POU6F2: variants seen among roughly 807,000 people sequenced by gnomAD.
The protein encoded by POU6F2 is POU class 6 homeobox 2.
In POU6F2, 31 loss-of-function variants were observed where a neutral mutation model predicts 71.3. That is an observed-to-expected ratio of 0.43 (90% CI 0.33 to 0.59). The LOEUF (loss-of-function observed/expected upper bound fraction) is 0.59. Ranked by LOEUF, POU6F2 falls within the 20% of genes least tolerant of loss-of-function variation. The pLI is 0.04. For synonymous variants in POU6F2, 347 were observed against 355.7 expected (o/e 0.98, Z 0.27); for missense variants, 783 against 856.8 (o/e 0.91, Z 1.07).
intron 2 of POU6F2, among the ~76,000 whole-genome samples, chr7:39,137,099 A>T (rs1792403858): frequency 6.6e-6 from 1 of 152,076 alleles, no homozygotes; most frequent in Non-Finnish European, 1.5e-5. Flanking sequence ...TTAAATATTA[A>T]CTATAATTTA....
At chr7:39,007,000 T>G in intron 1 of POU6F2, 1 of 818,156 alleles carries the variant, frequency 1.2e-6, no homozygotes, top group South Asian at 1.6e-5. Context: ...GATTCCCTTA[T>G]GCTCTGATGT....
At chr7:39,417,746 A>C (rs1787713088) in intron 6 of POU6F2, among the ~76,000 whole-genome samples, 1 of 152,238 alleles carries the variant, frequency 6.6e-6, no homozygotes, top group African/African-American at 2.4e-5. Context: ...CCATGTACTC[A>C]CATGAAAGGT....
At chr7:39,046,585 G>C (rs1358422) in intron 1 of POU6F2, among the ~76,000 whole-genome samples, 31,459 of 151,808 alleles carry the variant, frequency 0.21, 3,515 homozygotes, top group South Asian at 0.36. Flanking sequence ...TCTCGATCAG[G>C]ATTTTGCAAT....
intron 2 of POU6F2, among the ~76,000 whole-genome samples, chr7:39,155,902 C>T (rs1470759003): frequency 6.6e-6 from 1 of 152,104 alleles, no homozygotes; most frequent in Non-Finnish European, 1.5e-5. Flanking sequence ...CCATATTAAA[C>T]AATGTAATAG....
Position 39,001,381 on chromosome 7 carries a change from A to G in POU6F2, c.105+23323A>G, listed in dbSNP as rs528320395. 1.1e-4 allele frequency among the ~76,000 whole-genome samples: 16 copies of G among 152,314 alleles called. No homozygotes were observed. The East Asian group carries it at 3.1e-3, about 29-fold the overall frequency. ...GGTCAGGCATCTATCCTGGGGATAG[A>G]AGATTACTAAGATAACTGTGGTCCC... On this transcript the variant is annotated intron_variant, in intron 1 of 9. Transcript: ENST00000518318.
At chr7:39,000,423 C>T (rs1378304112) in intron 1 of POU6F2, among the ~76,000 whole-genome samples, 2 of 152,038 alleles carry the variant, frequency 1.3e-5, no homozygotes, top group Non-Finnish European at 2.9e-5. Flanking sequence ...ATGTTTATTA[C>T]ACAACAGCCA....
At chr7:39,315,478 T>C (rs1310977077) in intron 4 of POU6F2, among the ~76,000 whole-genome samples, 1 of 152,184 alleles carries the variant, frequency 6.6e-6, no homozygotes, top group Non-Finnish European at 1.5e-5. Context: ...GTTTAGTTTG[T>C]GTTTTGGGGC....
intron 2 of POU6F2, among the ~76,000 whole-genome samples, chr7:39,190,890 C>T (rs1481544427): frequency 6.6e-6 from 1 of 152,046 alleles, no homozygotes; most frequent in African/African-American, 2.4e-5. Context: ...CCTGCCTCAG[C>T]TCCCAAAGTG....
chr7:39,286,668 C>T (rs1450754256), intron 4 of POU6F2, among the ~76,000 whole-genome samples: 1 of 152,140 alleles, frequency 6.6e-6, no homozygotes, highest in African/African-American at 2.4e-5. Context: ...ATTCCTTGGC[C>T]CTATTACGCC....
intron 4 of POU6F2, among the ~76,000 whole-genome samples, chr7:39,307,859 G>T (rs1421491424): frequency 6.6e-6 from 1 of 151,954 alleles, no homozygotes; most frequent in Non-Finnish European, 1.5e-5. Flanking sequence ...AGAGGCTGAG[G>T]CAGGAGAATC....
intron 4 of POU6F2, among the ~76,000 whole-genome samples, chr7:39,224,965 A>C (rs1193808682): frequency 6.6e-6 from 1 of 152,218 alleles, no homozygotes; most frequent in Non-Finnish European, 1.5e-5. Context: ...ACTGATTTGC[A>C]GCCAGCTGCC....
chr7:39,210,210 G>A lies in POU6F2; in HGVS notation c.598+2590G>A, dbSNP rs373905546. ...TTGTGAGGGGCAGGTTTCATACCTA[G>A]TCTGCACACCTAGTCTGAAGCACAG... On this transcript the variant is annotated intron_variant, in intron 4 of 9. Transcript: ENST00000518318. Among the ~76,000 whole-genome samples the A allele has an allele frequency of 3.5e-3, 539 of 152,244 alleles. 1 individual carries two copies. Among genetic ancestry groups the A allele is most frequent in the Non-Finnish European group, 5.6e-3 (378 of 68,020 alleles).
intron 2 of POU6F2, among the ~76,000 whole-genome samples, chr7:39,132,972 G>A (rs925741984): frequency 6.6e-6 from 1 of 152,158 alleles, no homozygotes; most frequent in East Asian, 1.9e-4. Context: ...TCTCCTTGAT[G>A]GTGTATGAGA....
intron 1 of POU6F2, among the ~76,000 whole-genome samples, chr7:39,065,808 A>G (rs1790742808): frequency 6.6e-6 from 1 of 151,718 alleles, no homozygotes; most frequent in Non-Finnish European, 1.5e-5. Flanking sequence ...CAAGAGGAAA[A>G]AGAAAGAAAA....
intron 1 of POU6F2, among the ~76,000 whole-genome samples, chr7:39,022,467 C>T (rs1789699053): frequency 1.3e-5 from 2 of 152,022 alleles, no homozygotes; most frequent in Non-Finnish European, 2.9e-5. Flanking sequence ...CTTGTATGCA[C>T]CTGGGTAACA....
chr7:38,988,511 G>A (rs1323278492), intron 1 of POU6F2, among the ~76,000 whole-genome samples: 1 of 152,010 alleles, frequency 6.6e-6, no homozygotes, highest in Admixed American at 6.6e-5. Context: ...GTGTTTCAGT[G>A]GGGCTGTTGT....
intron 5 of POU6F2, among the ~76,000 whole-genome samples, chr7:39,397,427 G>A (rs1787196145): frequency 6.8e-6 from 1 of 146,860 alleles, no homozygotes; most frequent in African/African-American, 2.5e-5. Flanking sequence ...AGAGACAAAT[G>A]TATATGTATT....
intron 4 of POU6F2, among the ~76,000 whole-genome samples, chr7:39,288,388 A>G (rs533706485): frequency 3.3e-5 from 5 of 152,314 alleles, no homozygotes; most frequent in South Asian, 4.1e-4. Context: ...TGCTCATCTC[A>G]TAGGACAGAG....
chr7:39,085,639 A>G (rs1048342624), intron 1 of POU6F2: 3 of 428,122 alleles, frequency 7.0e-6, no homozygotes, highest in Non-Finnish European at 1.3e-5. Context: ...GAGCTTTAAT[A>G]GGGTGGGGAG....
Sources: allele counts gnomAD v4.1 joint callset (sites outside exome capture counted in the v4.1 genomes callset), GRCh38; gene constraint gnomAD v4.1.1; transcripts MANE v1.5; gene names NCBI Gene and HGNC (gene_info 2026-07-23, HGNC 2026-07-21).